The following STON1 variants were observed in gnomAD, a reference collection of about 807,000 sequenced individuals.
STON1 encodes the protein stonin 1.
Under a neutral mutation model 60.9 loss-of-function variants are expected in STON1, and 79 were observed. The observed-to-expected ratio is 1.30, with a 90% CI of 1.08 to 1.56. The LOEUF is 1.56. Ranked by LOEUF, STON1 falls within the 40% of genes most tolerant of loss-of-function variation. STON1 has a pLI of 0.00. For synonymous variants in STON1, 363 were observed against 306.9 expected (o/e 1.18, Z -1.91); for missense variants, 1,166 against 858.9 (o/e 1.36, Z -4.47).
rs373664523 is a variant in STON1, at chr2:48,580,785, C to A, written c.152C>A (p.Pro51His). 13 of 1,556,152 alleles carry A rather than the reference C, an allele frequency of 8.4e-6. No homozygotes were observed. The highest frequency in any genetic ancestry group is 1.0e-5 in the Non-Finnish European group (12 of 1,152,178). ...KLNLPGLREF[P>H]SGSSSTSSTP... ...AACCTTCCTGGCCTCAGGGAATTTC[C>A]CAGTGGATCTTCCTCCACCAGCAGC... is the stretch of plus-strand genomic sequence containing the variant. The change falls in exon 2 of 4, where the codon CCC becomes CAC. Residue 51 changes from proline to histidine, a missense_variant. By Grantham distance (77) the Pro-to-His change is moderately conservative. Coordinates refer to ENST00000404752, the MANE Select transcript of STON1 (RefSeq NM_006873.4).
chr2:48,576,078 G>A (rs1673478652), intron 1 of STON1, among the ~76,000 whole-genome samples: 1 of 150,636 alleles, frequency 6.6e-6, no homozygotes, highest in Admixed American at 6.6e-5. Flanking sequence ...TTTTTTGAGG[G>A]CCTTCCATAT....
At chr2:48,588,570 C>T (rs1318650157) in intron 2 of STON1, among the ~76,000 whole-genome samples, 2 of 152,094 alleles carry the variant, frequency 1.3e-5, no homozygotes, top group Admixed American at 1.3e-4. Flanking sequence ...AGGCTGGTCT[C>T]GAACTTCTCA....
intron 1 of STON1, among the ~76,000 whole-genome samples, chr2:48,534,940 C>T (rs1391568938): frequency 1.3e-5 from 2 of 152,208 alleles, no homozygotes; most frequent in South Asian, 2.1e-4. Context: ...TCCTTGCAAA[C>T]CAGCTCCACT....
chr2:48,582,737 A>G (rs918096084), intron 2 of STON1, among the ~76,000 whole-genome samples, 174 bp downstream of exon 2: 1 of 152,164 alleles, frequency 6.6e-6, no homozygotes, highest in Non-Finnish European at 1.5e-5. Flanking sequence ...TTCCTTTTGC[A>G]CCTATTTCTA....
At chr2:48,561,886 A>C (rs1011598170) in intron 1 of STON1, among the ~76,000 whole-genome samples, 1 of 152,162 alleles carries the variant, frequency 6.6e-6, no homozygotes, top group South Asian at 2.1e-4. Context: ...TTTGAAACAG[A>C]GTCTCACTCT....
rs1192904732 is a variant in STON1 at position 48,581,205 on chromosome 2, G to A, written c.572G>A (p.Gly191Asp). 2 of 1,525,246 alleles carry A rather than the reference G, an allele frequency of 1.3e-6. No homozygotes were observed. The highest frequency in any genetic ancestry group is 8.7e-7 in the Non-Finnish European group (1 of 1,143,074). The allele number at this position is 1,525,246 out of a possible 1,614,324, so 94.5% of individuals were successfully genotyped here. ...AFSSPFWKDE[G>D]SDSHFTLDPP... is the part of the protein sequence containing the mutation. ...TCAAGTCCATTTTGGAAAGATGAAGGCAGTGATTCCCATTTCACCCTTGAC... is the reference window on the plus strand; with the variant it reads ...TCAAGTCCATTTTGGAAAGATGAAGACAGTGATTCCCATTTCACCCTTGAC... Residue 191 changes from glycine to aspartate, a missense_variant, in exon 2 of 4, where the codon GGC (glycine) becomes GAC (aspartate). Transcript: ENST00000404752.
chr2:48,581,298 A>G lies in STON1; in HGVS notation c.665A>G (p.Asn222Ser), dbSNP rs201248705. Residue 222 changes from asparagine (N) to serine (S), a missense_variant, in exon 2 of 4, where the codon AAT becomes AGT. Coordinates refer to ENST00000404752, the MANE Select transcript of STON1 (RefSeq NM_006873.4). ...ATGCCTATTGACCAAAAAAGCCTAA[A>G]TAAGTGTTCACTCAACTATATCTGT... ...KEMPIDQKSL[N>S]KCSLNYICEK... 6.0e-5 allele frequency: 91 copies of G among 1,523,686 alleles called. No individual in the cohort carries two copies. Among genetic ancestry groups the G allele is most frequent in the African/African-American group, 1.4e-5 (1 of 71,778 alleles). 94.4% of individuals were successfully genotyped at this position (1,523,686 alleles called of 1,614,324 possible).
intron 1 of STON1, among the ~76,000 whole-genome samples, chr2:48,568,160 A>C (rs557618663): frequency 1.3e-5 from 2 of 152,294 alleles, no homozygotes; most frequent in Admixed American, 1.3e-4. Context: ...CCAGGAGGCT[A>C]CTGAGAGGTG....
At chr2:48,551,069 G>T (rs1672083559) in intron 1 of STON1, among the ~76,000 whole-genome samples, 3 of 151,640 alleles carry the variant, frequency 2.0e-5, no homozygotes, top group Admixed American at 1.3e-4. Context: ...TTAGATCTAG[G>T]GGGGTACATT....
At chr2:48,585,502 G>A (rs1674159361) in intron 2 of STON1, among the ~76,000 whole-genome samples, 1 of 152,106 alleles carries the variant, frequency 6.6e-6, no homozygotes, top group South Asian at 2.1e-4. Flanking sequence ...ACCCGCCTCG[G>A]CCTCCCAAAG....
At chr2:48,540,473 C>G (rs1222685182) in intron 1 of STON1, among the ~76,000 whole-genome samples, 2 of 152,150 alleles carry the variant, frequency 1.3e-5, no homozygotes, top group Non-Finnish European at 2.9e-5. Flanking sequence ...CCAGGAGGAC[C>G]GGGTTGATGG....
intron 1 of STON1, among the ~76,000 whole-genome samples, chr2:48,576,515 T>TA (rs1201757044): frequency 7.7e-6 from 1 of 129,876 alleles, no homozygotes; most frequent in Non-Finnish European, 1.7e-5. Flanking sequence ...TTTTTTTTTT[T>TA]AAAAGAAAAT....
chr2:48,557,059 CCGGG>C (rs1672397808), intron 1 of STON1, among the ~76,000 whole-genome samples: 3 of 101,216 alleles, frequency 3.0e-5, no homozygotes, highest in African/African-American at 1.1e-4. Context: ...GGGCGGCTGG[CCGGG>C]CGGGGGGCTG....
rs1674763684 is a variant in STON1, at chr2:48,595,874, A to C, written c.*572A>C. On this transcript the variant is annotated 3_prime_UTR_variant, in exon 4 of 4. Coordinates refer to ENST00000404752, the MANE Select transcript of STON1 (RefSeq NM_006873.4). ...GTCCTCTTACCGTTGGTAAATAATA[A>C]TTGGCTATATTTGGTACCTGTCTCT... 1 of 152,526 alleles carries C rather than the reference A, an allele frequency of 6.6e-6. No homozygotes were observed. Among genetic ancestry groups the C allele is most frequent in the Admixed American group, 6.5e-5 (1 of 15,292 alleles). The allele number at this position is 152,526 out of a possible 1,614,324, so 9.4% of individuals were successfully genotyped here.
At chr2:48,553,695 C>T (rs1672195305) in intron 1 of STON1, among the ~76,000 whole-genome samples, 1 of 152,100 alleles carries the variant, frequency 6.6e-6, no homozygotes, top group Non-Finnish European at 1.5e-5. Context: ...ATCATGTTGG[C>T]CAGGCTGGTC....
At chr2:48,553,748 A>G (rs1422809922) in intron 1 of STON1, among the ~76,000 whole-genome samples, 1 of 152,186 alleles carries the variant, frequency 6.6e-6, no homozygotes, top group Non-Finnish European at 1.5e-5. Context: ...TCGGCCTTCC[A>G]AAGTGCTGGG....
intron 1 of STON1, among the ~76,000 whole-genome samples, chr2:48,556,967 G>A: frequency 2.1e-5 from 1 of 47,586 alleles, no homozygotes. Flanking sequence ...CTGGCCGGGC[G>A]GGGGGCTGAC....
chr2:48,584,082 A>G (rs927126974), intron 2 of STON1, among the ~76,000 whole-genome samples: 6 of 152,014 alleles, frequency 3.9e-5, no homozygotes, highest in African/African-American at 9.7e-5. Flanking sequence ...TACTTACTGT[A>G]TACCAAGTGC....
In STON1 at chr2:48,597,647, G is replaced by C. The variant is rs1477424247; in HGVS notation, c.*2345G>C. The C allele has an allele frequency of 6.6e-6, 1 of 152,620 alleles. No individual in the cohort carries two copies. Among genetic ancestry groups the C allele is most frequent in the Non-Finnish European group, 1.5e-5 (1 of 68,024 alleles). The allele number at this position is 152,620 out of a possible 1,614,324, so 9.5% of individuals were successfully genotyped here. On this transcript the variant is annotated 3_prime_UTR_variant, in exon 4 of 4. Coordinates refer to ENST00000404752, the MANE Select transcript of STON1 (RefSeq NM_006873.4). ...ATATAATAGCAAAAGCTGGACTAAA[G>C]CCCAAATGGATTGTCTGTGGCAATG...
Sources: gnomAD v4.1 joint callset for allele counts (sites outside exome capture counted in the v4.1 genomes callset) on GRCh38, gnomAD v4.1.1 for gene constraint, MANE v1.5 for transcripts, NCBI Gene and HGNC (gene_info 2026-07-23, HGNC 2026-07-21) for gene names.